The following ANK3 variants were observed in gnomAD, a reference collection of about 807,000 sequenced individuals.
ANK3 encodes ankyrin 3.
A neutral mutation model predicts 370.9 loss-of-function variants in ANK3; 57 were observed. The observed-to-expected ratio is 0.15, with a 90% confidence interval of 0.12 to 0.19. The LOEUF (loss-of-function observed/expected upper bound fraction) is 0.19. Ranked by LOEUF, ANK3 falls within the 10% of genes least tolerant of loss-of-function variation. ANK3 has a pLI of 1.00. For synonymous variants in ANK3, 1,929 were observed against 1,946.3 expected (o/e 0.99, Z 0.23); for missense variants, 4,439 against 5,302.1 (o/e 0.84, Z 5.06).
chr10:60,245,636 T>G (rs1464158675), intron 7 of ANK3, among the ~76,000 whole-genome samples: 1 of 152,222 alleles, frequency 6.6e-6, no homozygotes, highest in Non-Finnish European at 1.5e-5. Flanking sequence ...TCACTTAGCA[T>G]GTTTTCAAGG....
intron 43 of ANK3, among the ~76,000 whole-genome samples, chr10:60,040,118 G>A (rs1386390613): frequency 7.2e-5 from 11 of 152,154 alleles, no homozygotes; most frequent in Admixed American, 7.2e-4. Context: ...AATCTTGAAA[G>A]TCATTGGCTT....
At position 60,198,552 on chromosome 10, in the gene ANK3, A is replaced by G; in HGVS notation, c.1492-15T>C. ...GTTTGGTCATCCTAAACAGCAAGGT[A>G]GAAATGTAAGGCTGATGAGCTGAGG... On this transcript the variant is annotated splice_polypyrimidine_tract_variant and intron_variant, in intron 13 of 43. Coordinates refer to ENST00000280772, the MANE Select transcript of ANK3 (RefSeq NM_020987.5). The G allele has an allele frequency of 6.2e-7, 1 of 1,612,618 alleles. No individual in the cohort carries two copies. Among genetic ancestry groups the G allele is most frequent in the Non-Finnish European group, 8.5e-7 (1 of 1,178,622 alleles).
intron 1 of ANK3, among the ~76,000 whole-genome samples, chr10:60,369,384 C>T (rs762395934): frequency 2.0e-5 from 3 of 152,134 alleles, no homozygotes; most frequent in African/African-American, 4.8e-5. Flanking sequence ...TTCAAGCTAA[C>T]GTTCTGGGCT....
At position 60,106,026 on chromosome 10, in the gene ANK3, G is replaced by A. The variant is rs1293166141; in HGVS notation, c.3207C>T (p.Ser1069=). 3 of 1,610,072 alleles carry A rather than the reference G, an allele frequency of 1.9e-6. No homozygotes were observed. The highest frequency in any genetic ancestry group is 2.5e-6 in the Non-Finnish European group (3 of 1,178,554). Residue 1069 remains serine, a synonymous_variant, in exon 28 of 44, where the codon TCC becomes TCT. Coordinates refer to ENST00000280772, the MANE Select transcript of ANK3 (RefSeq NM_020987.5). ...TGAGTTCTCTCTCTTTTCCTCTCAT[G>A]GACCCAAAGTGAGGGATTTCCACTA... ...PVIVEIPHFG[S]MRGKERELIV... is the part of the protein sequence containing the mutation.
intron 1 of ANK3, among the ~76,000 whole-genome samples, chr10:60,698,948 A>C (rs1468844323): frequency 6.6e-6 from 1 of 151,436 alleles, no homozygotes; most frequent in Non-Finnish European, 1.5e-5. Flanking sequence ...TAAATAAAAC[A>C]GACTTTGGAG....
intron 1 of ANK3, among the ~76,000 whole-genome samples, chr10:60,716,877 G>C (rs1452297349): frequency 1.3e-5 from 2 of 152,154 alleles, no homozygotes; most frequent in Non-Finnish European, 2.9e-5. Context: ...TCTTCATTTA[G>C]TAATAGATTA....
rs568165942 is a variant in ANK3 at position 60,572,970 on chromosome 10, C to T, written c.96+42216G>A. On this transcript the variant is annotated intron_variant, in intron 2 of 43. Transcript: ENST00000373827. ...AAGCTACAGACTGCTGACAAGTCTCCGAAGCCTTCCCAGGGGCTGATTTGC... is the reference window on the plus strand; with the variant it reads ...AAGCTACAGACTGCTGACAAGTCTCTGAAGCCTTCCCAGGGGCTGATTTGC... 1,074 of 988,250 alleles carry T rather than the reference C, an allele frequency of 1.1e-3. 1 individual carries two copies. The highest frequency in any genetic ancestry group is 1.2e-3 in the Non-Finnish European group (1,015 of 831,838). The allele number at this position is 988,250 out of a possible 1,614,324, so 61.2% of individuals were successfully genotyped here.
rs1349556513 is a variant in ANK3 at position 60,069,151 on chromosome 10, C to T, written c.11730G>A (p.Lys3910=). ...GTGTGTTTTTCACTGGAATTCTGGA[C>T]TTTACATCTACACATGAAGAAGTAG... ...ALTTSSCVDV[K]SRIPVKNTHR... Residue 3910 remains lysine (K), a synonymous_variant, in exon 37 of 44, where the codon AAG becomes AAA. Coordinates refer to ENST00000280772, the MANE Select transcript of ANK3 (RefSeq NM_020987.5). 2.5e-6 allele frequency: 4 copies of T among 1,613,514 alleles called. No individual in the cohort carries two copies. The African/African-American group carries it at 5.4e-5, about 22-fold the overall frequency.
intron 2 of ANK3, among the ~76,000 whole-genome samples, chr10:60,415,926 C>CCA (rs1364553934): frequency 8.0e-6 from 1 of 125,564 alleles, no homozygotes; most frequent in East Asian, 2.6e-4. Flanking sequence ...GCCCCCCACC[C>CCA]CCCCGCCATT....
chr10:60,258,766 T>C (rs2097768375), intron 7 of ANK3, among the ~76,000 whole-genome samples: 1 of 152,212 alleles, frequency 6.6e-6, no homozygotes, highest in Non-Finnish European at 1.5e-5. Flanking sequence ...TGCAAGACTT[T>C]ATCTGTCATA....
rs113022750 is a variant in ANK3, at chr10:60,416,807, G to A, written c.97-137168C>T. On this transcript the variant is annotated intron_variant, in intron 2 of 43. Transcript: ENST00000373827. ...TCACCACTCAGACTTTTACTGGGCA[G>A]TGATGTTCTGTATCTTCATTCCACT... Among the ~76,000 whole-genome samples, 442 of 152,276 alleles carry A rather than the reference G, an allele frequency of 2.9e-3. 2 individuals carry two copies. Among genetic ancestry groups the A allele is most frequent in the African/African-American group, 0.01 (419 of 41,558 alleles).
chr10:60,085,496 G>C (rs1428902296), intron 30 of ANK3, among the ~76,000 whole-genome samples: 2 of 151,900 alleles, frequency 1.3e-5, no homozygotes, highest in East Asian at 3.8e-4. Flanking sequence ...TTTTTGTCTG[G>C]GTACTAATGA....
chr10:60,254,328 A>G (rs966261247), intron 7 of ANK3, among the ~76,000 whole-genome samples: 1 of 151,972 alleles, frequency 6.6e-6, no homozygotes, highest in Non-Finnish European at 1.5e-5. Context: ...TTTTAAACAT[A>G]TGTTTGCAAA....
At chr10:60,693,592 C>A (rs1318910618) in intron 1 of ANK3, among the ~76,000 whole-genome samples, 1 of 152,184 alleles carries the variant, frequency 6.6e-6, no homozygotes, top group African/African-American at 2.4e-5. Context: ...GTCCCTGACC[C>A]CTGACCCCCA....
At chr10:60,633,009 G>A (rs1292455867) in intron 1 of ANK3, among the ~76,000 whole-genome samples, 1 of 151,980 alleles carries the variant, frequency 6.6e-6, no homozygotes, top group Non-Finnish European at 1.5e-5. Flanking sequence ...GTCTCTATTA[G>A]GTATTTCCAG....
Position 60,105,889 on chromosome 10 carries a change from G to A in ANK3, c.3328+16C>T, listed in dbSNP as rs761512332. On this transcript the variant is annotated intron_variant, in intron 28 of 43. Transcript: ENST00000280772. ...GCCTGCAGACATTTACAGAACCAAG[G>A]AGCCATCATTATTACCTTCATCCAT... 6.3e-7 allele frequency: 1 copy of A among 1,596,014 alleles called. No individual in the cohort carries two copies. Among genetic ancestry groups the A allele is most frequent in the Non-Finnish European group, 8.5e-7 (1 of 1,172,790 alleles).
At chr10:60,708,198 C>A (rs901410248) in intron 1 of ANK3, among the ~76,000 whole-genome samples, 1 of 152,190 alleles carries the variant, frequency 6.6e-6, no homozygotes, top group Non-Finnish European at 1.5e-5. Context: ...TTCCAGTAAT[C>A]CACCAGAGTT....
At chr10:60,171,007 C>T (rs1200518377) in intron 21 of ANK3, among the ~76,000 whole-genome samples, 1 of 152,048 alleles carries the variant, frequency 6.6e-6, no homozygotes, top group Non-Finnish European at 1.5e-5. Context: ...ACTTGGCTAT[C>T]GTTAAATAGT....
In ANK3 at chr10:60,226,479, CTATA is replaced by C. The variant is rs1188388624; in HGVS notation, c.897+8205_897+8208del. 3.7e-4 allele frequency among the ~76,000 whole-genome samples: 29 copies of C among 79,166 alleles called. No individual in the cohort carries two copies. The East Asian group carries it at 6.5e-3, about 18-fold the overall frequency. 51.9% of individuals were successfully genotyped at this position (79,166 alleles called of 152,430 possible). A position where few individuals can be genotyped will look rare whatever the true frequency, so the allele number is the denominator to read the frequency against. On this transcript the variant is annotated intron_variant, in intron 8 of 43. Coordinates refer to ENST00000280772, the MANE Select transcript of ANK3 (RefSeq NM_020987.5). ...ATAGTATATATACATAGTATATATA[CTATA>C]TATATACATATACTATAGTATATAT...
Sources: allele counts gnomAD v4.1 joint callset (sites outside exome capture counted in the v4.1 genomes callset), GRCh38; gene constraint gnomAD v4.1.1; transcripts MANE v1.5; gene names NCBI Gene and HGNC (gene_info 2026-07-23, HGNC 2026-07-21).